Variants in NAA16 observed in about 807,000 individuals in gnomAD.
NAA16 encodes the protein NARG1-like protein.
NAA16 carries 97 observed loss-of-function variants against 110.3 expected under a neutral mutation model. The ratio of observed to expected loss-of-function variants is 0.88; its 90% CI spans 0.75 to 1.04. The LOEUF is 1.04. NAA16 is among the 50% of genes least tolerant of loss of function. NAA16 has a pLI of 0.00. For missense variants in NAA16, 1,017 were observed against 1,005.1 expected (o/e 1.01, Z -0.16); for synonymous variants, 372 against 330.6 (o/e 1.13, Z -1.36).
At chr13:41,345,749 A>AT (rs1192682458) in intron 9 of NAA16, among the ~76,000 whole-genome samples, 1 of 152,014 alleles carries the variant, frequency 6.6e-6, no homozygotes, top group East Asian at 1.9e-4. Flanking sequence ...TGCCTGGCTC[A>AT]TTTTTTATAG....
chr13:41,333,838 T>TA (rs1048832351), intron 8 of NAA16, among the ~76,000 whole-genome samples: 4 of 151,836 alleles, frequency 2.6e-5, no homozygotes, highest in Admixed American at 2.0e-4. Flanking sequence ...TGGAAGAGCT[T>TA]AGAGTTTTTT....
intron 9 of NAA16, among the ~76,000 whole-genome samples, chr13:41,347,230 AAAAC>A (rs199592864): frequency 0.29 from 18,010 of 62,676 alleles, 1,730 homozygotes; most frequent in Non-Finnish European, 0.44. Context: ...AAAAAAAACA[AAAAC>A]AAAAACAAAA....
At chr13:41,350,949 TAAG>T (rs2042820664) in intron 9 of NAA16, among the ~76,000 whole-genome samples, 1 of 152,114 alleles carries the variant, frequency 6.6e-6, no homozygotes, top group Non-Finnish European at 1.5e-5. Context: ...TTGAAGGCTC[TAAG>T]AAGAGGTGTA....
chr13:41,368,801 T>C (rs773608677), intron 14 of NAA16, among the ~76,000 whole-genome samples: 1 of 152,188 alleles, frequency 6.6e-6, no homozygotes, highest in Non-Finnish European at 1.5e-5. Context: ...GACCATAATA[T>C]AATTTATGAA....
chr13:41,331,528 TCAATGTGTAGTTAAATG>T (rs2042238246), intron 8 of NAA16, among the ~76,000 whole-genome samples, 159 bp downstream of exon 8: 1 of 152,144 alleles, frequency 6.6e-6, no homozygotes, highest in African/African-American at 2.4e-5. Flanking sequence ...GTGTGATACT[TCAATGTGTAGTTAAATG>T]TTGATTTTAA....
At chr13:41,322,354 C>A (rs900716839) in intron 4 of NAA16, among the ~76,000 whole-genome samples, 1 of 151,972 alleles carries the variant, frequency 6.6e-6, no homozygotes, top group African/African-American at 2.4e-5. Flanking sequence ...GAGTGAGATA[C>A]CTAAATTTAT....
chr13:41,338,326 A>G (rs965500205), intron 9 of NAA16, among the ~76,000 whole-genome samples: 34 of 152,326 alleles, frequency 2.2e-4, no homozygotes, highest in African/African-American at 8.2e-4. Flanking sequence ...GTTCATAGGC[A>G]TAGGCTTTTT....
chr13:41,316,421 C>T (rs1170431879), intron 1 of NAA16, among the ~76,000 whole-genome samples: 2 of 151,888 alleles, frequency 1.3e-5, no homozygotes, highest in Admixed American at 1.3e-4. Context: ...ATTCTCCTGC[C>T]TAAGCCTCCT....
intron 6 of NAA16, among the ~76,000 whole-genome samples, chr13:41,327,586 C>T (rs1301110144): frequency 4.0e-5 from 6 of 151,628 alleles, no homozygotes; most frequent in South Asian, 2.1e-4. Context: ...TAGTATACAC[C>T]GTGAATGCAT....
At chr13:41,368,587 CAAAAAACAGAA>C (rs2043252304) in intron 14 of NAA16, among the ~76,000 whole-genome samples, 1 of 151,618 alleles carries the variant, frequency 6.6e-6, no homozygotes, top group Admixed American at 6.6e-5. Flanking sequence ...CTTGCCCAGA[CAAAAAACAGAA>C]AAAAAAAGTA....
intron 6 of NAA16, among the ~76,000 whole-genome samples, chr13:41,326,948 T>G (rs1157463053): frequency 6.6e-6 from 1 of 152,180 alleles, no homozygotes; most frequent in African/African-American, 2.4e-5. Context: ...TGCAAACCCC[T>G]GGCAACCACT....
chr13:41,317,912 G>A (rs2041849219), intron 2 of NAA16, among the ~76,000 whole-genome samples: 1 of 152,148 alleles, frequency 6.6e-6, no homozygotes, highest in Admixed American at 6.5e-5. Context: ...TTCCTTACAT[G>A]TTTTTTGTTG....
chr13:41,365,398 A>G (rs1010517640), intron 13 of NAA16, among the ~76,000 whole-genome samples: 1 of 152,172 alleles, frequency 6.6e-6, no homozygotes, highest in Admixed American at 6.5e-5. Context: ...AGGGAAGGGT[A>G]TACAGGACCT....
chr13:41,336,715 T>A lies in NAA16; in HGVS notation c.973T>A (p.Leu325Met), dbSNP rs755091511. ...RVNFSKGCPP[L>M]FTTLKSLYYN... ...TAACTTCAGTAAAGGCTGCCCACCC[T>A]TGTTTACTACTTTGAAATCTTTATA... is the stretch of plus-strand genomic sequence containing the variant. Residue 325 changes from leucine to methionine, a missense_variant, in exon 9 of 20, where the codon TTG (leucine) becomes ATG (methionine). Leu to Met is a conservative substitution (Grantham distance 15). Transcript: ENST00000379406. 6.2e-7 allele frequency: 1 copy of A among 1,609,216 alleles called. No homozygotes were observed. The highest frequency in any genetic ancestry group is 8.5e-7 in the Non-Finnish European group (1 of 1,177,432).
intron 5 of NAA16, among the ~76,000 whole-genome samples, chr13:41,325,215 A>C (rs2042059861): frequency 6.6e-6 from 1 of 151,956 alleles, no homozygotes; most frequent in Non-Finnish European, 1.5e-5. Flanking sequence ...TCAGCCTCCC[A>C]AAGACCTGGG....
intron 9 of NAA16, among the ~76,000 whole-genome samples, chr13:41,337,980 A>C (rs1320027213): frequency 6.6e-6 from 1 of 151,936 alleles, no homozygotes; most frequent in Non-Finnish European, 1.5e-5. Flanking sequence ...AACCCAAAAA[A>C]CCCTTACAAT....
At chr13:41,323,904 CTGTT>C (rs927458438) in intron 5 of NAA16, among the ~76,000 whole-genome samples, 1 of 152,172 alleles carries the variant, frequency 6.6e-6, no homozygotes, top group African/African-American at 2.4e-5. Flanking sequence ...TTCCACTCCT[CTGTT>C]TATCTGTCAT....
intron 10 of NAA16, among the ~76,000 whole-genome samples, chr13:41,355,486 A>G (rs776977127): frequency 2.6e-5 from 4 of 152,086 alleles, no homozygotes; most frequent in Admixed American, 1.3e-4. Flanking sequence ...CTGGAGTACA[A>G]TGGCACAGTC....
chr13:41,328,865 C>T lies in NAA16; in HGVS notation c.811+22C>T, dbSNP rs200505236. On this transcript the variant is annotated intron_variant, in intron 7 of 19. Coordinates refer to ENST00000379406, the MANE Select transcript of NAA16 (RefSeq NM_024561.5). The stretch of plus-strand genomic sequence containing the variant: ...ATTAGTATGTAATGATTTTTCTCCT[C>T]TTTCTCATAACTACTGATTGAAGTA... The T allele has an allele frequency of 2.5e-5, 40 of 1,570,022 alleles. 1 individual carries two copies. Among genetic ancestry groups the T allele is most frequent in the Non-Finnish European group, 3.2e-5 (37 of 1,145,026 alleles).
Sources: gnomAD v4.1 joint callset for allele counts (sites outside exome capture counted in the v4.1 genomes callset) on GRCh38, gnomAD v4.1.1 for gene constraint, MANE v1.5 for transcripts, NCBI Gene and HGNC (gene_info 2026-07-23, HGNC 2026-07-21) for gene names.